MECOM: variants seen among roughly 807,000 people sequenced by gnomAD.
The protein encoded by MECOM is MDS1 and EVI1 complex locus.
A neutral mutation model predicts 116.3 loss-of-function variants in MECOM; 13 were observed. That is an observed-to-expected ratio of 0.11 (90% CI 0.07 to 0.18). The LOEUF (loss-of-function observed/expected upper bound fraction) is 0.18. MECOM is among the 10% of genes least tolerant of loss of function. The pLI is 1.00. For missense variants in MECOM, 1,299 were observed against 1,509.0 expected, an observed-to-expected ratio of 0.86 and a Z score of 2.31; for synonymous variants, 528 against 535.2, an observed-to-expected ratio of 0.99 and a Z score of 0.19.
At chr3:169,165,871 G>A (rs1294568704) in intron 2 of MECOM, among the ~76,000 whole-genome samples, 1 of 152,060 alleles carries the variant, frequency 6.6e-6, no homozygotes, top group African/African-American at 2.4e-5. Flanking sequence ...AAAATGTTTA[G>A]ATAGCAGCTT....
Position 169,193,472 on chromosome 3 carries a change from A to G in MECOM, c.376-49640T>C, listed in dbSNP as rs547557027. ...CTGATCTTTGGATTTTTTTTTCTCT[A>G]AAGTTAAAATAAATAAATTTTCCTA... On this transcript the variant is annotated intron_variant, in intron 2 of 16. Transcript: ENST00000651503. 3.7e-3 allele frequency among the ~76,000 whole-genome samples: 562 copies of G among 151,986 alleles called. 3 individuals are homozygous for G. Among genetic ancestry groups the G allele is most frequent in the Non-Finnish European group, 5.6e-3 (382 of 67,920 alleles).
At chr3:169,213,291 A>C (rs536590629) in intron 2 of MECOM, among the ~76,000 whole-genome samples, 1 of 152,256 alleles carries the variant, frequency 6.6e-6, no homozygotes, top group South Asian at 2.1e-4. Context: ...GCATGTAAAA[A>C]GTAGAGTTAG....
chr3:169,121,948 C>T (rs1731181752), intron 6 of MECOM, among the ~76,000 whole-genome samples: 1 of 151,306 alleles, frequency 6.6e-6, no homozygotes, highest in Non-Finnish European at 1.5e-5. Context: ...AAATAGAAAG[C>T]AACTTTAATG....
At chr3:169,662,680 C>A (rs1270723754) in intron 1 of MECOM, among the ~76,000 whole-genome samples, 1 of 151,762 alleles carries the variant, frequency 6.6e-6, no homozygotes, top group Non-Finnish European at 1.5e-5. Flanking sequence ...GAGCGCACAG[C>A]GCCCACTACC....
chr3:169,245,171 C>G (rs1010636539), intron 2 of MECOM, among the ~76,000 whole-genome samples: 2 of 151,802 alleles, frequency 1.3e-5, no homozygotes, highest in African/African-American at 4.8e-5. Flanking sequence ...TTGAAATATG[C>G]AAAACATAAA....
chr3:169,339,671 G>A (rs1444348794), intron 2 of MECOM, among the ~76,000 whole-genome samples: 1 of 152,154 alleles, frequency 6.6e-6, no homozygotes, highest in Non-Finnish European at 1.5e-5. Flanking sequence ...ATTAAGGTAT[G>A]AGAAGCACTG....
At chr3:169,494,913 A>G (rs1266753714) in intron 1 of MECOM, among the ~76,000 whole-genome samples, 5 of 152,348 alleles carry the variant, frequency 3.3e-5, no homozygotes, top group Middle Eastern at 3.4e-3. Context: ...AATGGAAGAG[A>G]GTCAATAAAT....
rs115651139 is a variant in MECOM, at chr3:169,246,379, G to C, written c.376-102547C>G. On this transcript the variant is annotated intron_variant, in intron 2 of 16. Coordinates refer to ENST00000651503, the MANE Select transcript of MECOM (RefSeq NM_004991.4). ...TGACACCTGCCTGATGTGTCACTAG[G>C]TACATCCCAAACCACAACTATCATG... 5.4e-3 allele frequency among the ~76,000 whole-genome samples: 821 copies of C among 152,188 alleles called. 8 individuals are homozygous for C. Among genetic ancestry groups the C allele is most frequent in the African/African-American group, 0.019 (776 of 41,514 alleles).
intron 1 of MECOM, among the ~76,000 whole-genome samples, chr3:169,609,990 A>G (rs1208323981): frequency 6.6e-6 from 1 of 152,154 alleles, no homozygotes; most frequent in Non-Finnish European, 1.5e-5. Flanking sequence ...CATTTCCCCA[A>G]AGGATATCCC....
chr3:169,521,756 G>T (rs546952927), intron 1 of MECOM, among the ~76,000 whole-genome samples: 1 of 152,216 alleles, frequency 6.6e-6, no homozygotes, highest in Non-Finnish European at 1.5e-5. Context: ...GAGAAACACT[G>T]CTCCAGGTAG....
chr3:169,613,409 GT>G (rs1413148061), intron 1 of MECOM: 1 of 152,134 alleles, frequency 6.6e-6, no homozygotes, highest in Non-Finnish European at 1.5e-5. Flanking sequence ...CTGTCTTTAA[GT>G]TTTTTGGAAG....
chr3:169,408,534 A>G, intron 1 of MECOM, among the ~76,000 whole-genome samples: 1 of 152,242 alleles, frequency 6.6e-6, no homozygotes, highest in East Asian at 1.9e-4. Context: ...GTTCTCACTA[A>G]GAAGTGATTA....
At chr3:169,392,823 G>A (rs571069429) in intron 1 of MECOM, among the ~76,000 whole-genome samples, 4 of 152,248 alleles carry the variant, frequency 2.6e-5, no homozygotes, top group East Asian at 1.9e-4. Flanking sequence ...TGGTGGAAAC[G>A]CAGTTGCCAT....
rs748021716 is a variant in MECOM, at chr3:169,121,099, G to C, written c.1089C>G (p.Leu363=). The part of the protein sequence containing the change: ...CGKTFATSSG[L]KQHKHIHSSV... ...TGCTGTGGATGTGCTTGTGTTGTTT[G>C]AGGCCCGACGAAGTGGCAAACGTTT... The change falls in exon 7 of 17, where the codon CTC becomes CTG. Residue 363 remains leucine, a synonymous_variant. Coordinates refer to ENST00000651503, the MANE Select transcript of MECOM (RefSeq NM_004991.4). 6 of 1,613,564 alleles carry C rather than the reference G, an allele frequency of 3.7e-6. No individual in the cohort carries two copies. Among genetic ancestry groups the C allele is most frequent in the African/African-American group, 2.7e-5 (2 of 74,922 alleles).
chr3:169,218,146 T>G (rs1751654580), intron 2 of MECOM, among the ~76,000 whole-genome samples: 1 of 152,054 alleles, frequency 6.6e-6, no homozygotes, highest in African/African-American at 2.4e-5. Flanking sequence ...GGAAGAGACA[T>G]CTTACTGTGT....
At chr3:169,646,856 A>G (rs1006474635) in intron 1 of MECOM, among the ~76,000 whole-genome samples, 3 of 152,206 alleles carry the variant, frequency 2.0e-5, no homozygotes, top group African/African-American at 7.2e-5. Context: ...TCATTCAACC[A>G]AGACATTTGG....
intron 1 of MECOM, among the ~76,000 whole-genome samples, chr3:169,494,705 A>C (rs1473056447): frequency 6.6e-6 from 1 of 152,220 alleles, no homozygotes; most frequent in Admixed American, 6.5e-5. Context: ...GGTAGAGGAC[A>C]GTGAGGGACC....
chr3:169,216,846 T>TA lies in MECOM; in HGVS notation c.376-73015dup, dbSNP rs1553770535. 1.7e-4 allele frequency among the ~76,000 whole-genome samples: 26 copies of TA among 150,606 alleles called. No homozygotes were observed. In the South Asian group the frequency reaches 3.4e-3, roughly 19 times the overall value. On this transcript the variant is annotated intron_variant, in intron 2 of 16. Coordinates refer to ENST00000651503, the MANE Select transcript of MECOM (RefSeq NM_004991.4). ...ATAAAAAGTTGACAGTGTTTATCTG[T>TA]AAAACAAAAACAAAAACAAAAACGC...
chr3:169,417,532 T>C (rs1738877583), intron 1 of MECOM, among the ~76,000 whole-genome samples: 1 of 152,008 alleles, frequency 6.6e-6, no homozygotes, highest in African/African-American at 2.4e-5. Context: ...AGTTCAACCA[T>C]TGTGGAAGTC....
Sources: gnomAD v4.1 joint callset for allele counts (sites outside exome capture counted in the v4.1 genomes callset) on GRCh38, gnomAD v4.1.1 for gene constraint, MANE v1.5 for transcripts, NCBI Gene and HGNC (gene_info 2026-07-23, HGNC 2026-07-21) for gene names.